The following STAC variants were observed in gnomAD, a reference collection of about 807,000 sequenced individuals.
STAC encodes SH3 and cysteine rich domain, also known as SH3 and cysteine-rich domain-containing protein.
In STAC, 43 loss-of-function variants were observed where a neutral mutation model predicts 48.8. That is an observed-to-expected ratio of 0.88 (90% CI 0.69 to 1.14). The LOEUF is 1.14. Ranked by LOEUF, STAC falls within the 50% of genes most tolerant of loss-of-function variation. The pLI, the probability that STAC is intolerant of heterozygous loss-of-function variation, is 0.00. For missense variants in STAC, 497 were observed against 504.0 expected, an observed-to-expected ratio of 0.99 and a Z score of 0.13; for synonymous variants, 193 against 179.5, an observed-to-expected ratio of 1.07 and a Z score of -0.60.
chr3:36,422,669 T>G (rs73060000), intron 1 of STAC, among the ~76,000 whole-genome samples: 3,531 of 152,272 alleles, frequency 0.023, 60 homozygotes, highest in East Asian at 0.026. Flanking sequence ...CACATAAACT[T>G]ATTTATAAAC....
In STAC at chr3:36,546,391, C is replaced by A. The variant is rs1699448056; in HGVS notation, c.*102C>A. 3 of 975,180 alleles carry A rather than the reference C, an allele frequency of 3.1e-6. No individual in the cohort carries two copies. The highest frequency in any genetic ancestry group is 2.4e-5 in the East Asian group (1 of 41,060). 60.4% of individuals were successfully genotyped at this position (975,180 alleles called of 1,614,324 possible). A position where few individuals can be genotyped will look rare whatever the true frequency, so the allele number is the denominator to read the frequency against. ...AAAGGAGCTGCCGCACTGACCCAGC[C>A]CCCCAGGAAACAGTGAGACAAGAAT... On this transcript the variant is annotated 3_prime_UTR_variant, in exon 11 of 11. Transcript: ENST00000273183.
chr3:36,418,211 T>C (rs1455065000), intron 1 of STAC, among the ~76,000 whole-genome samples: 1 of 152,218 alleles, frequency 6.6e-6, no homozygotes, highest in Non-Finnish European at 1.5e-5. Flanking sequence ...AGTTGCTTCT[T>C]GCTTCATCAA....
intron 8 of STAC, among the ~76,000 whole-genome samples, chr3:36,510,541 A>G (rs1238047918): frequency 6.6e-6 from 1 of 152,236 alleles, no homozygotes; most frequent in East Asian, 1.9e-4. Context: ...ACAATAGCAA[A>G]GACTTGGAAA....
In STAC at chr3:36,474,056, A is replaced by G. The variant is rs762340324; in HGVS notation, c.389-8936A>G. Among the ~76,000 whole-genome samples the G allele has an allele frequency of 2.6e-5, 4 of 152,204 alleles. No homozygotes were observed. The East Asian group carries it at 7.7e-4, about 29-fold the overall frequency. ...TGGAGGGCTTAGCAATAGCGTGTGC[A>G]TGCTACATATTTTCAAAGGCCTATA... On this transcript the variant is annotated intron_variant, in intron 2 of 10. Transcript: ENST00000273183.
intron 6 of STAC, among the ~76,000 whole-genome samples, chr3:36,501,845 AG>A (rs1387997268): frequency 6.6e-6 from 1 of 152,308 alleles, no homozygotes; most frequent in East Asian, 1.9e-4. Flanking sequence ...AACCCAAACA[AG>A]GATATCATGA....
intron 1 of STAC, among the ~76,000 whole-genome samples, chr3:36,411,615 A>AT: frequency 6.6e-6 from 1 of 152,344 alleles, no homozygotes; most frequent in East Asian, 1.9e-4. Flanking sequence ...TTAAGACCAT[A>AT]GCATCTAAGC....
intron 1 of STAC, among the ~76,000 whole-genome samples, chr3:36,420,644 C>G (rs914696636): frequency 6.6e-6 from 1 of 152,190 alleles, no homozygotes; most frequent in African/African-American, 2.4e-5. Flanking sequence ...CACTTTCATC[C>G]TCAAACCATC....
At chr3:36,538,588 C>T (rs1699252434) in intron 10 of STAC, among the ~76,000 whole-genome samples, 1 of 152,168 alleles carries the variant, frequency 6.6e-6, no homozygotes, top group Non-Finnish European at 1.5e-5. Context: ...TGCCAAATTG[C>T]ATTCAGAAAG....
intron 1 of STAC, among the ~76,000 whole-genome samples, chr3:36,413,608 TG>T (rs1336953196): frequency 2.0e-5 from 3 of 152,234 alleles, no homozygotes; most frequent in African/African-American, 7.2e-5. Flanking sequence ...AGCACACTGA[TG>T]GGTCTTGACT....
chr3:36,452,472 C>G (rs1575209432), intron 2 of STAC, among the ~76,000 whole-genome samples: 1 of 152,186 alleles, frequency 6.6e-6, no homozygotes, highest in East Asian at 1.9e-4. Context: ...CCATGGTGTG[C>G]TGTGTTCTCT....
chr3:36,419,627 T>C (rs1700401877), intron 1 of STAC, among the ~76,000 whole-genome samples: 1 of 152,130 alleles, frequency 6.6e-6, no homozygotes, highest in Admixed American at 6.6e-5. Flanking sequence ...TTGAAGAACA[T>C]ACAATGGCCT....
chr3:36,497,019 T>G (rs1698166358), intron 6 of STAC, among the ~76,000 whole-genome samples: 1 of 150,450 alleles, frequency 6.6e-6, no homozygotes, highest in African/African-American at 2.4e-5. Flanking sequence ...TAAAGCAATT[T>G]TATTCTAAAA....
intron 1 of STAC, among the ~76,000 whole-genome samples, chr3:36,418,660 CT>C (rs1553633170): frequency 7.5e-6 from 1 of 132,964 alleles, no homozygotes; most frequent in South Asian, 2.4e-4. Flanking sequence ...ATATTTTATA[CT>C]TTCTTTTACA....
intron 2 of STAC, among the ~76,000 whole-genome samples, chr3:36,448,967 A>C (rs147257240): frequency 6.6e-6 from 1 of 151,792 alleles, no homozygotes; most frequent in East Asian, 2.0e-4. Flanking sequence ...AAATAGAATA[A>C]AGTTAGCCAG....
intron 2 of STAC, among the ~76,000 whole-genome samples, chr3:36,450,239 T>C (rs1696639577): frequency 6.6e-6 from 1 of 152,192 alleles, no homozygotes; most frequent in South Asian, 2.1e-4. Context: ...CAGTCATTAG[T>C]AAATGGGAAA....
intron 1 of STAC, among the ~76,000 whole-genome samples, chr3:36,430,210 C>A (rs1186105200): frequency 2.0e-5 from 3 of 152,102 alleles, no homozygotes; most frequent in East Asian, 1.9e-4. Context: ...TGTTGGAGAT[C>A]CAAAGATGAA....
intron 1 of STAC, among the ~76,000 whole-genome samples, chr3:36,437,931 GTTATTATTA>G (rs146079093): frequency 1.4e-4 from 19 of 140,576 alleles, no homozygotes; most frequent in East Asian, 6.2e-4. Flanking sequence ...TATTCATTGA[GTTATTATTA>G]TTATTATTAT....
chr3:36,436,528 C>T (rs1575198154), intron 1 of STAC, among the ~76,000 whole-genome samples: 1 of 152,198 alleles, frequency 6.6e-6, no homozygotes. Context: ...GATACCCTGC[C>T]CTTGATCTCT....
At chr3:36,480,238 T>C (rs1697606983) in intron 2 of STAC, among the ~76,000 whole-genome samples, 2 of 152,216 alleles carry the variant, frequency 1.3e-5, no homozygotes, top group Non-Finnish European at 2.9e-5. Context: ...GTCCAGTCTT[T>C]TAAAAACATA....
Sources: gnomAD v4.1 joint callset for allele counts (sites outside exome capture counted in the v4.1 genomes callset) on GRCh38, gnomAD v4.1.1 for gene constraint, MANE v1.5 for transcripts, NCBI Gene and HGNC (gene_info 2026-07-23, HGNC 2026-07-21) for gene names.